Variants in TTC7A observed in about 807,000 individuals in gnomAD.
TTC7A encodes the protein tetratricopeptide repeat domain 7A.
A neutral mutation model predicts 103.7 loss-of-function variants in TTC7A; 110 were observed. The ratio of observed to expected loss-of-function variants is 1.06; its 90% confidence interval spans 0.91 to 1.24. The LOEUF is 1.24. Ranked by LOEUF, TTC7A falls within the 50% of genes most tolerant of loss-of-function variation. The probability of loss-of-function intolerance (pLI) is 0.00; values close to 1 mark genes in which losing one functional copy is unlikely to be tolerated. For synonymous variants in TTC7A, 521 were observed against 467.9 expected, an observed-to-expected ratio of 1.11 and a Z score of -1.47; for missense variants, 1,340 against 1,116.3, an observed-to-expected ratio of 1.20 and a Z score of -2.86.
intron 5 of TTC7A, among the ~76,000 whole-genome samples, chr2:46,981,124 G>A (rs976290587): frequency 6.6e-6 from 1 of 151,956 alleles, no homozygotes; most frequent in South Asian, 2.1e-4. Flanking sequence ...GCCCCTCTCT[G>A]GCCCTTGACA....
At position 47,029,245 on chromosome 2, in the gene TTC7A, C is replaced by T. The variant is rs781491354; in HGVS notation, c.1663C>T (p.Leu555=). ...ACAGATCTCCAGTGCCATGGAGCAG[C>T]TGCAGGAGGCCCTGAAGGTACGCAA... ...VRQISSAMEQ[L]QEALKVRKDD... is the part of the protein sequence containing the mutation. The change falls in exon 15 of 20, where the codon CTG becomes TTG. Residue 555 remains leucine, a synonymous_variant. Transcript: ENST00000319190. 6.2e-7 allele frequency: 1 copy of T among 1,613,798 alleles called. No individual in the cohort carries two copies. Among genetic ancestry groups the T allele is most frequent in the African/African-American group, 1.3e-5 (1 of 74,936 alleles).
chr2:46,957,088 G>C (rs573109576), intron 3 of TTC7A, 81 bp downstream of exon 3: 2 of 1,560,106 alleles, frequency 1.3e-6, no homozygotes, highest in Admixed American at 3.4e-5. Flanking sequence ...TGCTGGGCTC[G>C]TGTCCAGATT....
At chr2:46,949,126 C>T (rs978793131) in intron 1 of TTC7A, among the ~76,000 whole-genome samples, 12 of 152,220 alleles carry the variant, frequency 7.9e-5, no homozygotes, top group Non-Finnish European at 1.2e-4. Context: ...ACTGAACACC[C>T]GGCTCCCATG....
At chr2:47,050,271 C>T in intron 17 of TTC7A, 1 of 558,914 alleles carries the variant, frequency 1.8e-6, no homozygotes, top group South Asian at 2.2e-5. Context: ...CTGCCTCCTG[C>T]ATGGGGGTGA....
chr2:47,005,853 G>T, intron 8 of TTC7A, 69 bp from the exon 9 acceptor site: 3 of 1,572,756 alleles, frequency 1.9e-6, no homozygotes, highest in Non-Finnish European at 2.6e-6. Context: ...GCAAGGTGGG[G>T]GCCCTGCGAA....
intron 19 of TTC7A, among the ~76,000 whole-genome samples, chr2:47,061,667 C>T (rs1343945077): frequency 2.0e-5 from 3 of 152,210 alleles, no homozygotes; most frequent in African/African-American, 7.2e-5. Flanking sequence ...AAATCAGCCA[C>T]CTTCTCTGAA....
upstream of TTC7A, chr2:46,915,983 G>C (rs1191560627): frequency 5.1e-6 from 5 of 985,284 alleles, no homozygotes; most frequent in Non-Finnish European, 6.0e-6. Context: ...TCTTCTACCT[G>C]CTTTCCCAAG....
chr2:46,951,389 C>G (rs967195464), intron 2 of TTC7A, among the ~76,000 whole-genome samples: 1 of 151,988 alleles, frequency 6.6e-6, no homozygotes, highest in Non-Finnish European at 1.5e-5. Flanking sequence ...TATGTGCATC[C>G]AAGTTTGAGG....
chr2:46,975,690 T>A (rs934711382), intron 4 of TTC7A, among the ~76,000 whole-genome samples: 3 of 152,144 alleles, frequency 2.0e-5, no homozygotes, highest in Non-Finnish European at 2.9e-5. Flanking sequence ...GGTTTATTTT[T>A]ATGTATTTTT....
chr2:46,954,038 T>C (rs1160239390), intron 2 of TTC7A, among the ~76,000 whole-genome samples: 1 of 152,208 alleles, frequency 6.6e-6, no homozygotes, highest in African/African-American at 2.4e-5. Flanking sequence ...GCTCTAATGC[T>C]GTCTCTCATT....
chr2:47,072,888 G>C (rs190543753), intron 19 of TTC7A, among the ~76,000 whole-genome samples: 2 of 152,332 alleles, frequency 1.3e-5, no homozygotes, highest in African/African-American at 4.8e-5. Flanking sequence ...ATGTAGAGGG[G>C]ACAAGGTGCC....
intron 18 of TTC7A, among the ~76,000 whole-genome samples, chr2:47,060,003 C>A (rs1290848854): frequency 6.6e-6 from 1 of 151,976 alleles, no homozygotes; most frequent in East Asian, 1.9e-4. Flanking sequence ...CAAAAAAATA[C>A]AAAAATTAGC....
At chr2:46,974,834 C>A in intron 3 of TTC7A, 139 bp from the exon 4 acceptor site, 1 of 1,221,144 alleles carries the variant, frequency 8.2e-7, no homozygotes, top group East Asian at 2.6e-5. Context: ...TTCCTCCCTC[C>A]CCTCCGCAGA....
chr2:47,031,073 G>A (rs1190610451), intron 15 of TTC7A, among the ~76,000 whole-genome samples: 1 of 152,156 alleles, frequency 6.6e-6, no homozygotes, highest in Non-Finnish European at 1.5e-5. Flanking sequence ...CTTGAATCTG[G>A]GAGGCAGGGG....
intron 1 of TTC7A, among the ~76,000 whole-genome samples, chr2:46,950,151 C>T (rs193162075): frequency 6.6e-6 from 1 of 152,254 alleles, no homozygotes; most frequent in East Asian, 1.9e-4. Flanking sequence ...GAAAATAAAT[C>T]CAAGGGGCAA....
chr2:47,015,781 G>T (rs1678589157), intron 11 of TTC7A, among the ~76,000 whole-genome samples: 1 of 152,202 alleles, frequency 6.6e-6, no homozygotes, highest in South Asian at 2.1e-4. Context: ...GGTGGGCAGA[G>T]CCAGGAAGAT....
chr2:47,042,401 C>T (rs755129038), intron 15 of TTC7A, among the ~76,000 whole-genome samples: 1 of 152,028 alleles, frequency 6.6e-6, no homozygotes, highest in East Asian at 1.9e-4. Context: ...ACTCAGGAGG[C>T]TGAGGCAGGA....
chr2:46,941,001 G>GGGCTCCGC (rs1670284977), upstream of TTC7A, among the ~76,000 whole-genome samples: 3 of 151,886 alleles, frequency 2.0e-5, no homozygotes, highest in South Asian at 6.2e-4. This position sits in a 1 kb window ranked among gnomAD's most constrained non-coding sequence, Gnocchi z 4.2. Context: ...CCGGGCGCCG[G>GGGCTCCGC]GGCTCCGCGC....
intron 6 of TTC7A, 42 bp from the exon 7 acceptor site, chr2:46,994,315 C>T (rs1273863611): frequency 6.3e-7 from 1 of 1,589,922 alleles, no homozygotes. Context: ...TGGGGTAGAG[C>T]TGACAACTGT....
Sources: allele counts gnomAD v4.1 joint callset (sites outside exome capture counted in the v4.1 genomes callset), GRCh38; gene constraint gnomAD v4.1.1; non-coding constraint Gnocchi (gnomAD v3.1); transcripts MANE v1.5; gene names NCBI Gene and HGNC (gene_info 2026-07-23, HGNC 2026-07-21).